Variants in AFF3 observed in about 807,000 individuals in gnomAD.
The protein encoded by AFF3 is AF4/FMR2 family member 3.
Under a neutral mutation model 129.7 loss-of-function variants are expected in AFF3, and 32 were observed. The observed-to-expected ratio is 0.25, with a 90% CI of 0.19 to 0.33. The LOEUF (loss-of-function observed/expected upper bound fraction) is 0.33, where lower values mean the gene tolerates loss of function less well. Ranked by LOEUF, AFF3 falls within the 10% of genes least tolerant of loss-of-function variation. The pLI is 1.00. For synonymous variants in AFF3, 644 were observed against 635.4 expected, an observed-to-expected ratio of 1.01 and a Z score of -0.20; for missense variants, 1,373 against 1,592.0, an observed-to-expected ratio of 0.86 and a Z score of 2.34.
intron 18 of AFF3, among the ~76,000 whole-genome samples, chr2:99,573,381 G>A (rs966825638): frequency 2.0e-5 from 3 of 152,094 alleles, no homozygotes; most frequent in Non-Finnish European, 4.4e-5. Flanking sequence ...GACCAATAAA[G>A]GCTTAATGAT....
At chr2:99,833,333 T>C (rs1414863380) in intron 8 of AFF3, among the ~76,000 whole-genome samples, 1 of 152,222 alleles carries the variant, frequency 6.6e-6, no homozygotes, top group East Asian at 1.9e-4. Context: ...GGAAACTGGC[T>C]GAGGTCTCCA....
chr2:99,887,353 G>A (rs1048095766), intron 7 of AFF3, among the ~76,000 whole-genome samples: 6 of 152,162 alleles, frequency 3.9e-5, no homozygotes, highest in Admixed American at 1.3e-4. Context: ...ATTGTTATTA[G>A]AATCATCTTT....
chr2:99,934,042 A>G (rs1354926813), intron 7 of AFF3, among the ~76,000 whole-genome samples: 4 of 152,154 alleles, frequency 2.6e-5, no homozygotes, highest in Non-Finnish European at 4.4e-5. Flanking sequence ...GCAGCCAGTC[A>G]TTTCTCTAGA....
At chr2:99,947,898 A>G (rs1675789289) in intron 7 of AFF3, among the ~76,000 whole-genome samples, 1 of 152,148 alleles carries the variant, frequency 6.6e-6, no homozygotes. Flanking sequence ...GCTGGAATAA[A>G]TGAAGGGCTG....
intron 10 of AFF3, among the ~76,000 whole-genome samples, chr2:99,729,926 AT>A (rs1040049686): frequency 1.3e-5 from 2 of 152,100 alleles, no homozygotes; most frequent in Admixed American, 1.3e-4. Flanking sequence ...CAGGGAAGCC[AT>A]TTTACATGCG....
intron 8 of AFF3, among the ~76,000 whole-genome samples, chr2:99,835,879 G>A (rs972359378): frequency 6.6e-6 from 1 of 152,170 alleles, no homozygotes; most frequent in Non-Finnish European, 1.5e-5. Context: ...CAGCACTGGC[G>A]GTGGGAGGGA....
chr2:99,778,893 T>TGTGC lies in AFF3; in HGVS notation c.922-26593_922-26592insGCAC, dbSNP rs1415016966. Among the ~76,000 whole-genome samples, 8 of 35,856 alleles carry TGTGC rather than the reference T, an allele frequency of 2.2e-4. No homozygotes were observed. In the East Asian group the frequency reaches 4.7e-3, roughly 21 times the overall value. 23.5% of individuals were successfully genotyped at this position (35,856 alleles called of 152,430 possible). A position where few individuals can be genotyped will look rare whatever the true frequency, so the allele number is the denominator to read the frequency against. ...TTTTGTGTGTGTGTGTGTGTGTGTGTGCGCGTGTGTGTGTGTGTGTGTGTG... is the reference window on the plus strand; with the variant it reads ...TTTTGTGTGTGTGTGTGTGTGTGTGTGTGCGCGCGTGTGTGTGTGTGTGTGTGTG... On this transcript the variant is annotated intron_variant, in intron 8 of 24. Coordinates refer to ENST00000672756, the MANE Select transcript of AFF3 (RefSeq NM_001386135.1).
intron 22 of AFF3, among the ~76,000 whole-genome samples, chr2:99,557,130 A>G (rs912221254): frequency 2.6e-5 from 4 of 152,314 alleles, no homozygotes; most frequent in Admixed American, 2.6e-4. Flanking sequence ...ATCATTCCAC[A>G]ATGTATAAAT....
chr2:99,720,946 T>C (rs1678835898), intron 11 of AFF3, among the ~76,000 whole-genome samples: 1 of 152,184 alleles, frequency 6.6e-6, no homozygotes, highest in Non-Finnish European at 1.5e-5. Flanking sequence ...TCCCTTATTG[T>C]TTGTGCTATT....
Position 99,979,711 on chromosome 2 carries a change from G to A in AFF3, c.873+26921C>T, listed in dbSNP as rs555380942. Among the ~76,000 whole-genome samples the A allele has an allele frequency of 5.2e-4, 79 of 152,114 alleles. No homozygotes were observed. The Middle Eastern group carries it at 0.024, about 46-fold the overall frequency. ...GTTGGCCAGGCTGTCTCAAACTCCT[G>A]GCCTCAAGCAATTCCCCCTCTTGGG... is the stretch of plus-strand genomic sequence containing the variant. On this transcript the variant is annotated intron_variant, in intron 7 of 24. Transcript: ENST00000672756.
intron 12 of AFF3, among the ~76,000 whole-genome samples, chr2:99,659,140 T>A (rs942838031): frequency 2.0e-5 from 3 of 152,218 alleles, no homozygotes; most frequent in Non-Finnish European, 4.4e-5. Context: ...GGAGCGAACA[T>A]CGCTGAAGAT....
intron 7 of AFF3, among the ~76,000 whole-genome samples, chr2:99,875,778 C>T (rs909085174): frequency 2.0e-5 from 3 of 152,138 alleles, no homozygotes; most frequent in Non-Finnish European, 4.4e-5. Context: ...CAGAGAAACC[C>T]ACATGCAGCC....
chr2:99,621,397 G>A (rs932617296), intron 13 of AFF3, among the ~76,000 whole-genome samples: 4 of 152,180 alleles, frequency 2.6e-5, no homozygotes, highest in Non-Finnish European at 5.9e-5. Flanking sequence ...GCTGTGCTGT[G>A]GGTAGAGATT....
intron 16 of AFF3, among the ~76,000 whole-genome samples, chr2:99,583,436 G>A (rs1332754350): frequency 1.3e-5 from 2 of 152,174 alleles, no homozygotes; most frequent in East Asian, 3.9e-4. Context: ...AGGCTGGAGA[G>A]CAGTGGCAGG....
At chr2:99,919,800 T>G (rs1479591643) in intron 7 of AFF3, among the ~76,000 whole-genome samples, 1 of 151,804 alleles carries the variant, frequency 6.6e-6, no homozygotes, top group Admixed American at 6.6e-5. Context: ...AAAAGCCTAA[T>G]AAAATTGATG....
chr2:99,630,646 C>T (rs1436054399), intron 13 of AFF3: 1 of 154,948 alleles, frequency 6.5e-6, no homozygotes, highest in Non-Finnish European at 1.4e-5. Context: ...AGGACACTTA[C>T]AATCATGGCG....
At chr2:100,042,007 C>T (rs1373318918) in intron 4 of AFF3, among the ~76,000 whole-genome samples, 2 of 152,158 alleles carry the variant, frequency 1.3e-5, no homozygotes, top group African/African-American at 4.8e-5. Flanking sequence ...TCCAACCCCT[C>T]ACATCGCCTC....
intron 8 of AFF3, among the ~76,000 whole-genome samples, chr2:99,793,954 T>C (rs1258350217): frequency 6.6e-6 from 1 of 152,256 alleles, no homozygotes; most frequent in Non-Finnish European, 1.5e-5. Flanking sequence ...AACTACATTT[T>C]ACATACACAT....
intron 7 of AFF3, among the ~76,000 whole-genome samples, chr2:99,993,728 G>A (rs1019081551): frequency 2.7e-5 from 4 of 149,064 alleles, no homozygotes; most frequent in Admixed American, 6.7e-5. Context: ...TTAAGCATAA[G>A]GACAGTTTCA....
Sources: gnomAD v4.1 joint callset for allele counts (sites outside exome capture counted in the v4.1 genomes callset) on GRCh38, gnomAD v4.1.1 for gene constraint, MANE v1.5 for transcripts, NCBI Gene and HGNC (gene_info 2026-07-23, HGNC 2026-07-21) for gene names.